LAMB4: variants seen among roughly 807,000 people sequenced by gnomAD.
LAMB4 encodes laminin subunit beta 4.
In LAMB4, 196 loss-of-function variants were observed where a neutral mutation model predicts 199.2. That is an observed-to-expected ratio of 0.98 (90% CI 0.88 to 1.11). The LOEUF is 1.11. LAMB4 is among the 50% of genes least tolerant of loss of function. The probability of loss-of-function intolerance (pLI) is 0.00; values close to 1 mark genes in which losing one functional copy is unlikely to be tolerated. For missense variants in LAMB4, 2,080 were observed against 2,171.2 expected, an observed-to-expected ratio of 0.96 and a Z score of 0.83; for synonymous variants, 744 against 770.6, an observed-to-expected ratio of 0.97 and a Z score of 0.57.
intron 13 of LAMB4, 93 bp from the exon 14 acceptor site, chr7:108,091,869 G>C (rs372211191): frequency 7.9e-7 from 1 of 1,257,892 alleles, no homozygotes; most frequent in Non-Finnish European, 1.1e-6. Context: ...CCTGAGTTTG[G>C]AGCAATCCTT....
intron 10 of LAMB4, among the ~76,000 whole-genome samples, chr7:108,098,836 A>T (rs2150634916): frequency 6.6e-6 from 1 of 152,332 alleles, no homozygotes; most frequent in East Asian, 1.9e-4. Context: ...CCAGAGGAAG[A>T]CTGCTGTTAT....
the LAMB4 span, among the ~76,000 whole-genome samples, chr7:108,016,920 C>T: frequency 6.6e-6 from 1 of 152,124 alleles, no homozygotes; most frequent in Non-Finnish European, 1.5e-5. Context: ...TCTGTTGCCA[C>T]CTAGTGAATG....
chr7:108,121,367 T>C (rs2038591309), intron 2 of LAMB4, among the ~76,000 whole-genome samples: 1 of 152,232 alleles, frequency 6.6e-6, no homozygotes, highest in African/African-American at 2.4e-5. Flanking sequence ...CATGAGATGC[T>C]TTCTCACACT....
In LAMB4 at chr7:108,047,340, A is replaced by T. The variant is rs150355443; in HGVS notation, c.4326+568T>A. Among the ~76,000 whole-genome samples, 704 of 152,014 alleles carry T rather than the reference A, an allele frequency of 4.6e-3. 2 individuals carry two copies. Among genetic ancestry groups the T allele is most frequent in the Middle Eastern group, 0.01 (3 of 294 alleles). On this transcript the variant is annotated intron_variant, in intron 28 of 33. Transcript: ENST00000388781. ...CTCCTCCACCCCTGCCATCTCTGAG[A>T]CAGCAAGACCAACCCCTCTTCTTCC... is the stretch of plus-strand genomic sequence containing the variant.
intron 27 of LAMB4, among the ~76,000 whole-genome samples, chr7:108,048,715 A>T (rs2035729700): frequency 7.8e-6 from 1 of 128,722 alleles, no homozygotes; most frequent in Non-Finnish European, 1.5e-5. Context: ...ATTTATTGAG[A>T]TGAGTCTCGC....
In LAMB4 at chr7:108,096,486, G is replaced by T. The variant is rs895200478; in HGVS notation, c.1361-1149C>A. 4.6e-5 allele frequency among the ~76,000 whole-genome samples: 7 copies of T among 152,056 alleles called. No homozygotes were observed. The East Asian group carries it at 1.3e-3, about 29-fold the overall frequency. ...AATACAAATATCCCTTCAAAGCTCT[G>T]CTTTCAATTATTTTGGGTATATATG... On this transcript the variant is annotated intron_variant, in intron 11 of 33. Transcript: ENST00000388781.
chr7:108,012,115 T>C, the LAMB4 span, among the ~76,000 whole-genome samples: 2 of 149,926 alleles, frequency 1.3e-5, no homozygotes, highest in Non-Finnish European at 2.9e-5. Context: ...GAAGGAGGCA[T>C]AGCAAACAAC....
the LAMB4 span, among the ~76,000 whole-genome samples, chr7:108,017,527 C>A: frequency 7.2e-5 from 11 of 152,254 alleles, no homozygotes; most frequent in African/African-American, 2.4e-4. Flanking sequence ...TTAGAGTGCT[C>A]CACACTGTGC....
intron 23 of LAMB4, among the ~76,000 whole-genome samples, chr7:108,059,890 T>C (rs1033529547): frequency 3.3e-5 from 5 of 152,234 alleles, no homozygotes; most frequent in African/African-American, 1.2e-4. Context: ...TATTGGGATA[T>C]CTTGTTCTGT....
At position 108,095,291 on chromosome 7, in the gene LAMB4, A is replaced by C. The variant is rs567120986; in HGVS notation, c.1407T>G (p.Asp469Glu). The change falls in exon 12 of 34, where the codon GAT becomes GAG. Residue 469 changes from aspartate to glutamate, a missense_variant. Transcript: ENST00000388781. ...PLGSLPFLTC[D>E]VDTGQCLCLS... ...GGCACAAGCATTGGCCTGTATCCAC[A>C]TCACAGGTCAAGAATGGCAGACTCC... The C allele has an allele frequency of 3.1e-5, 50 of 1,614,048 alleles. No individual in the cohort carries two copies. The East Asian group carries it at 1.0e-3, about 33-fold the overall frequency.
chr7:108,023,561 T>C lies in LAMB4; in HGVS notation c.*478A>G, dbSNP rs2150474083. The C allele has an allele frequency of 6.6e-6, 1 of 152,372 alleles. No homozygotes were observed. Among genetic ancestry groups the C allele is most frequent in the African/African-American group, 2.4e-5 (1 of 41,578 alleles). The allele number at this position is 152,372 out of a possible 1,614,324, so 9.4% of individuals were successfully genotyped here. A position where few individuals can be genotyped will look rare whatever the true frequency, so the allele number is the denominator to read the frequency against. On this transcript the variant is annotated 3_prime_UTR_variant, in exon 34 of 34. Coordinates refer to ENST00000388781, the MANE Select transcript of LAMB4 (RefSeq NM_007356.3). ...TATAAAAGCAAGTTGCATTTTGAATTGTATGCAGTTTATTCAGAAAAGAAT... is the reference window on the plus strand; with the variant it reads ...TATAAAAGCAAGTTGCATTTTGAATCGTATGCAGTTTATTCAGAAAAGAAT...
chr7:108,039,210 T>C (rs1377857187), intron 29 of LAMB4, among the ~76,000 whole-genome samples: 1 of 152,124 alleles, frequency 6.6e-6, no homozygotes, highest in Non-Finnish European at 1.5e-5. Context: ...CACAAGTCCC[T>C]GTGTCAGAGG....
At chr7:108,106,681 C>A in intron 6 of LAMB4, 109 bp from the exon 7 acceptor site, 1 of 635,580 alleles carries the variant, frequency 1.6e-6, no homozygotes, top group Non-Finnish European at 2.7e-6. Context: ...CTTACCACTT[C>A]AGCCTCCCAA....
chr7:108,110,946 C>T (rs2038201811), intron 4 of LAMB4, among the ~76,000 whole-genome samples: 1 of 124,856 alleles, frequency 8.0e-6, no homozygotes, highest in African/African-American at 3.1e-5. Flanking sequence ...ATTATTCCCA[C>T]ACTCCCTTCT....
At chr7:108,122,845 C>T (rs2038647623) in intron 2 of LAMB4, among the ~76,000 whole-genome samples, 1 of 152,154 alleles carries the variant, frequency 6.6e-6, no homozygotes, top group South Asian at 2.1e-4. Flanking sequence ...AAATTAGATG[C>T]ATTGTATTTG....
chr7:108,079,268 TA>T (rs1241328928), intron 15 of LAMB4, among the ~76,000 whole-genome samples: 3 of 152,202 alleles, frequency 2.0e-5, no homozygotes, highest in Non-Finnish European at 4.4e-5. Flanking sequence ...TGTGTTGGTT[TA>T]TTAAATTTTT....
chr7:108,046,397 G>A (rs1204317938), intron 28 of LAMB4, among the ~76,000 whole-genome samples: 5 of 151,842 alleles, frequency 3.3e-5, no homozygotes, highest in Non-Finnish European at 7.4e-5. Context: ...GGCCAGGAGT[G>A]GGCTTTTTTT....
At chr7:108,022,228 A>G (rs565977434), downstream of LAMB4, among the ~76,000 whole-genome samples, 2 of 152,338 alleles carry the variant, frequency 1.3e-5, no homozygotes, top group South Asian at 4.1e-4. Context: ...GCTGGTTTTC[A>G]GTGATTGCAT....
intron 13 of LAMB4, among the ~76,000 whole-genome samples, chr7:108,092,117 A>G (rs1211735760): frequency 2.0e-5 from 3 of 151,980 alleles, no homozygotes; most frequent in Admixed American, 2.0e-4. Flanking sequence ...GTATTCAAGC[A>G]CCCATGCCAC....
Sources: allele counts gnomAD v4.1 joint callset (sites outside exome capture counted in the v4.1 genomes callset), GRCh38; gene constraint gnomAD v4.1.1; transcripts MANE v1.5; gene names NCBI Gene and HGNC (gene_info 2026-07-23, HGNC 2026-07-21).